KIAA0825: variants seen among roughly 807,000 people sequenced by gnomAD.
KIAA0825 encodes uncharacterized protein KIAA0825.
Under a neutral mutation model 147.6 loss-of-function variants are expected in KIAA0825, and 119 were observed. The ratio of observed to expected loss-of-function variants is 0.81; its 90% CI spans 0.69 to 0.94. The LOEUF (loss-of-function observed/expected upper bound fraction) is 0.94, where lower values mean the gene tolerates loss of function less well. Among genes scored for constraint, KIAA0825 ranks in the 40% least tolerant of loss-of-function variants. The pLI, the probability that KIAA0825 is intolerant of heterozygous loss-of-function variation, is 0.00. For synonymous variants in KIAA0825, 470 were observed against 518.1 expected, an observed-to-expected ratio of 0.91 and a Z score of 1.26; for missense variants, 1,381 against 1,472.7, an observed-to-expected ratio of 0.94 and a Z score of 1.02.
At chr5:94,232,481 T>C (rs1774771952) in intron 20 of KIAA0825, among the ~76,000 whole-genome samples, 2 of 152,142 alleles carry the variant, frequency 1.3e-5, no homozygotes, top group Admixed American at 6.5e-5. Flanking sequence ...TTATTTGTAT[T>C]GACTTCTGGG....
chr5:94,353,654 C>T (rs412888), intron 20 of KIAA0825, among the ~76,000 whole-genome samples: 62,584 of 151,890 alleles, frequency 0.41, 13,692 homozygotes, highest in African/African-American at 0.56. Context: ...TTCTTATATA[C>T]ATTTCCATCA....
At chr5:94,258,071 C>T (rs1205744242) in intron 20 of KIAA0825, among the ~76,000 whole-genome samples, 2 of 151,908 alleles carry the variant, frequency 1.3e-5, no homozygotes, top group African/African-American at 2.4e-5. Flanking sequence ...TCTTTATTGT[C>T]CTTTAAAAAT....
At chr5:94,568,930 T>A (rs1779284892) in intron 2 of KIAA0825, 1 of 164,610 alleles carries the variant, frequency 6.1e-6, no homozygotes, top group Admixed American at 6.4e-5. Context: ...ACCCTCCTCC[T>A]AATCACATAA....
chr5:94,554,743 T>C (rs912327005), intron 2 of KIAA0825, among the ~76,000 whole-genome samples: 1 of 134,828 alleles, frequency 7.4e-6, no homozygotes, highest in Non-Finnish European at 1.6e-5. Flanking sequence ...TATATATATA[T>C]ATATATATAT....
chr5:94,305,161 A>T (rs182252354), intron 20 of KIAA0825, among the ~76,000 whole-genome samples: 4 of 152,178 alleles, frequency 2.6e-5, no homozygotes, highest in Admixed American at 2.0e-4. Flanking sequence ...GTGGAATTTA[A>T]GTTTTCATAA....
intron 5 of KIAA0825, among the ~76,000 whole-genome samples, chr5:94,487,880 G>T (rs1235909003): frequency 6.6e-6 from 1 of 152,178 alleles, no homozygotes; most frequent in Non-Finnish European, 1.5e-5. Context: ...CCTGAGCCCG[G>T]AAAGTGGAGC....
At chr5:94,445,212 G>A (rs1160349981) in intron 13 of KIAA0825, among the ~76,000 whole-genome samples, 1 of 152,172 alleles carries the variant, frequency 6.6e-6, no homozygotes, top group Non-Finnish European at 1.5e-5. Flanking sequence ...GACCCAGTAA[G>A]AAAGTGGTTC....
intron 5 of KIAA0825, among the ~76,000 whole-genome samples, chr5:94,514,137 TAATA>T (rs1766885154): frequency 6.6e-6 from 1 of 152,158 alleles, no homozygotes; most frequent in Non-Finnish European, 1.5e-5. Flanking sequence ...ATTAATTAAT[TAATA>T]GTGAAAAGGA....
intron 5 of KIAA0825, among the ~76,000 whole-genome samples, chr5:94,495,974 T>A (rs991343269): frequency 1.1e-4 from 16 of 152,226 alleles, no homozygotes; most frequent in Non-Finnish European, 2.2e-4. Flanking sequence ...CACAAATATT[T>A]AAAAATTCAC....
intron 16 of KIAA0825, 100 bp from the exon 17 acceptor site, chr5:94,396,609 T>C (rs540851836): frequency 9.9e-6 from 10 of 1,006,658 alleles, no homozygotes; most frequent in African/African-American, 1.7e-5. Flanking sequence ...GTGGAGAAAA[T>C]TGGCAAGAAG....
chr5:94,408,794 C>T lies in KIAA0825; in HGVS notation c.2663-5001G>A, dbSNP rs181883480. ...ATGTATAGAAGAAGAGAAGAACGTA[C>T]ACTATGAAAATACCTTAAAACTATT... is the stretch of plus-strand genomic sequence containing the variant. On this transcript the variant is annotated intron_variant, in intron 15 of 20. Transcript: ENST00000682413. 2.7e-3 allele frequency among the ~76,000 whole-genome samples: 414 copies of T among 152,302 alleles called. 1 individual carries two copies. Among genetic ancestry groups the T allele is most frequent in the African/African-American group, 8.9e-3 (370 of 41,572 alleles).
At chr5:94,306,574 A>T (rs1046810225) in intron 20 of KIAA0825, among the ~76,000 whole-genome samples, 9 of 151,822 alleles carry the variant, frequency 5.9e-5, no homozygotes, top group African/African-American at 1.7e-4. Context: ...GTAGGATGAC[A>T]ATTGAATTCT....
At chr5:94,614,666 T>C (rs1789914180) in intron 1 of KIAA0825, among the ~76,000 whole-genome samples, 2 of 152,156 alleles carry the variant, frequency 1.3e-5, no homozygotes, top group South Asian at 2.1e-4. Flanking sequence ...AAACTCAATA[T>C]TACCTTTTTT....
At chr5:94,321,977 A>T (rs1780235689) in intron 20 of KIAA0825, among the ~76,000 whole-genome samples, 1 of 151,968 alleles carries the variant, frequency 6.6e-6, no homozygotes, top group Admixed American at 6.6e-5. Flanking sequence ...TACTTTATAA[A>T]CATTATCTTA....
At chr5:94,554,786 A>T (rs1776248944) in intron 2 of KIAA0825, among the ~76,000 whole-genome samples, 1 of 144,670 alleles carries the variant, frequency 6.9e-6, no homozygotes, top group South Asian at 2.2e-4. Context: ...CTTAACATAA[A>T]CAGATAGATA....
At chr5:94,541,352 A>G (rs1279100716) in intron 2 of KIAA0825, among the ~76,000 whole-genome samples, 1 of 152,234 alleles carries the variant, frequency 6.6e-6, no homozygotes, top group East Asian at 1.9e-4. Flanking sequence ...CATGTAATTG[A>G]GACTATTGAA....
At chr5:94,457,921 T>A (rs1759322649) in intron 12 of KIAA0825, among the ~76,000 whole-genome samples, 1 of 152,096 alleles carries the variant, frequency 6.6e-6, no homozygotes, top group Non-Finnish European at 1.5e-5. Context: ...ACTTCTTGAG[T>A]CATCTGTGCC....
At chr5:94,422,491 A>G (rs1323824614) in intron 14 of KIAA0825, among the ~76,000 whole-genome samples, 1 of 152,186 alleles carries the variant, frequency 6.6e-6, no homozygotes, top group Non-Finnish European at 1.5e-5. Flanking sequence ...CATGTCATGT[A>G]AAATTGATAT....
intron 20 of KIAA0825, among the ~76,000 whole-genome samples, chr5:94,381,840 T>TAC (rs1383008106): frequency 6.6e-6 from 1 of 152,180 alleles, no homozygotes; most frequent in Non-Finnish European, 1.5e-5. Flanking sequence ...AGGTCTAGTG[T>TAC]ACTCTAGGCA....
Sources: allele counts gnomAD v4.1 joint callset (sites outside exome capture counted in the v4.1 genomes callset), GRCh38; gene constraint gnomAD v4.1.1; transcripts MANE v1.5; gene names NCBI Gene and HGNC (gene_info 2026-07-23, HGNC 2026-07-21).